Variants in CCSER1 observed in about 807,000 individuals in gnomAD.
CCSER1 encodes coiled-coil serine rich protein 1, also known as serine-rich coiled-coil domain-containing protein 1.
In CCSER1, 41 loss-of-function variants were observed where a neutral mutation model predicts 82.0. The ratio of observed to expected loss-of-function variants is 0.50; its 90% CI spans 0.39 to 0.65. The LOEUF is 0.65. Ranked by LOEUF, CCSER1 falls within the 30% of genes least tolerant of loss-of-function variation. The probability of loss-of-function intolerance (pLI) is 0.00; values close to 1 mark genes in which losing one functional copy is unlikely to be tolerated. For synonymous variants in CCSER1, 414 were observed against 383.9 expected (o/e 1.08, Z -0.92); for missense variants, 1,119 against 1,064.2 (o/e 1.05, Z -0.72).
intron 10 of CCSER1, among the ~76,000 whole-genome samples, chr4:91,290,206 A>G (rs1743639502): frequency 6.6e-6 from 1 of 152,050 alleles, no homozygotes; most frequent in South Asian, 2.1e-4. Flanking sequence ...GCAAACCTGC[A>G]CTATGAGAAA....
At chr4:91,418,311 A>AAC (rs1553934872) in intron 10 of CCSER1, among the ~76,000 whole-genome samples, 6 of 150,944 alleles carry the variant, frequency 4.0e-5, no homozygotes, top group African/African-American at 9.7e-5. Context: ...ATTAAAAAAA[A>AAC]AAAAAACAAA....
At chr4:91,014,697 T>C (rs1739276079) in intron 9 of CCSER1, among the ~76,000 whole-genome samples, 1 of 152,174 alleles carries the variant, frequency 6.6e-6, no homozygotes, top group African/African-American at 2.4e-5. Flanking sequence ...CATTCAAAAA[T>C]ATTAATAGAA....
intron 10 of CCSER1, among the ~76,000 whole-genome samples, chr4:91,522,541 T>G (rs1048246704): frequency 1.2e-4 from 19 of 152,322 alleles, no homozygotes; most frequent in African/African-American, 4.6e-4. Flanking sequence ...TGTCCTCTTT[T>G]ATTTCGTTGA....
At chr4:91,363,011 A>G (rs1749351493) in intron 10 of CCSER1, among the ~76,000 whole-genome samples, 1 of 151,726 alleles carries the variant, frequency 6.6e-6, no homozygotes. Flanking sequence ...CATTGTATCC[A>G]TCCTGGATTG....
At chr4:90,740,720 C>G (rs1027680120) in intron 7 of CCSER1, among the ~76,000 whole-genome samples, 1 of 152,054 alleles carries the variant, frequency 6.6e-6, no homozygotes, top group Non-Finnish European at 1.5e-5. Context: ...ATTTAAATTT[C>G]AATTAGTTTT....
At chr4:90,586,668 A>G (rs1409697942) in intron 5 of CCSER1, among the ~76,000 whole-genome samples, 11 of 152,220 alleles carry the variant, frequency 7.2e-5, no homozygotes, top group Admixed American at 7.2e-4. Flanking sequence ...TCATATCTAT[A>G]CTGGACAACA....
intron 1 of CCSER1, among the ~76,000 whole-genome samples, chr4:90,146,054 A>T (rs555169336): frequency 4.6e-5 from 7 of 152,206 alleles, no homozygotes; most frequent in African/African-American, 1.7e-4. Context: ...CCCAAGACTT[A>T]AAAAGAAAAT....
intron 10 of CCSER1, among the ~76,000 whole-genome samples, chr4:91,507,066 CTAT>C (rs1759533929): frequency 6.6e-6 from 1 of 151,980 alleles, no homozygotes; most frequent in African/African-American, 2.4e-5. Flanking sequence ...TCACTTTTTA[CTAT>C]TATGAACGAA....
intron 9 of CCSER1, among the ~76,000 whole-genome samples, chr4:91,080,962 A>G (rs113723041): frequency 6.6e-6 from 1 of 152,196 alleles, no homozygotes; most frequent in Non-Finnish European, 1.5e-5. Flanking sequence ...ATTCACAGCC[A>G]AATTCTACCC....
intron 10 of CCSER1, among the ~76,000 whole-genome samples, chr4:91,211,381 G>T (rs1029572782): frequency 1.8e-4 from 28 of 151,988 alleles, no homozygotes; most frequent in South Asian, 1.0e-3. Flanking sequence ...TTTGAGAAAG[G>T]TTCTTAGACC....
rs149233051 is a variant in CCSER1, at chr4:90,822,601, A to T, written c.2094+6756A>T. On this transcript the variant is annotated intron_variant, in intron 8 of 10. Coordinates refer to ENST00000509176, the MANE Select transcript of CCSER1 (RefSeq NM_001145065.2). Reference sequence around the variant, plus strand: ...ACATTAGCTGGGCGTGGTGGCGGGCACCTGTAATCCCAGCCACTCCCGAGG... The same window carrying T: ...ACATTAGCTGGGCGTGGTGGCGGGCTCCTGTAATCCCAGCCACTCCCGAGG... Among the ~76,000 whole-genome samples, 272 of 151,760 alleles carry T rather than the reference A, an allele frequency of 1.8e-3. 1 individual carries two copies. Among genetic ancestry groups the T allele is most frequent in the African/African-American group, 6.4e-3 (265 of 41,412 alleles).
chr4:91,236,759 T>A (rs1050439106), intron 10 of CCSER1, among the ~76,000 whole-genome samples: 3 of 152,150 alleles, frequency 2.0e-5, no homozygotes, highest in Non-Finnish European at 2.9e-5. Context: ...AGAGGCAAGA[T>A]AAAAACTGAT....
intron 10 of CCSER1, among the ~76,000 whole-genome samples, chr4:91,442,118 CTACTT>C (rs1375239451): frequency 1.3e-5 from 2 of 151,824 alleles, no homozygotes; most frequent in Non-Finnish European, 2.9e-5. Flanking sequence ...TTGGAAAAAA[CTACTT>C]TAAAGTTCAT....
intron 4 of CCSER1, among the ~76,000 whole-genome samples, chr4:90,424,639 C>G (rs987737316): frequency 3.3e-5 from 5 of 152,158 alleles, no homozygotes; most frequent in African/African-American, 1.2e-4. Flanking sequence ...TACTCATAGT[C>G]TACATTTTTA....
At chr4:91,581,147 T>C (rs1468419473) in intron 10 of CCSER1, among the ~76,000 whole-genome samples, 2 of 151,722 alleles carry the variant, frequency 1.3e-5, no homozygotes, top group African/African-American at 4.8e-5. Flanking sequence ...TCTAACCACA[T>C]AATTATATAG....
chr4:91,560,246 A>G (rs1283475296), intron 10 of CCSER1, among the ~76,000 whole-genome samples: 1 of 151,450 alleles, frequency 6.6e-6, no homozygotes, highest in Non-Finnish European at 1.5e-5. Flanking sequence ...TTTACTTGAC[A>G]GAACAACATT....
chr4:90,756,000 G>A (rs1229305192), intron 7 of CCSER1, among the ~76,000 whole-genome samples: 2 of 152,164 alleles, frequency 1.3e-5, no homozygotes, highest in Non-Finnish European at 2.9e-5. Flanking sequence ...CCAAGAGGGG[G>A]TGGATCAGTT....
chr4:91,294,596 T>C (rs1356912429), intron 10 of CCSER1, among the ~76,000 whole-genome samples: 2 of 151,808 alleles, frequency 1.3e-5, no homozygotes, highest in Non-Finnish European at 2.9e-5. Context: ...GAGAGTCTGT[T>C]TTGAGCCCAT....
At chr4:90,674,560 C>T (rs945154536) in intron 6 of CCSER1, among the ~76,000 whole-genome samples, 3 of 151,890 alleles carry the variant, frequency 2.0e-5, no homozygotes, top group Admixed American at 2.0e-4. Flanking sequence ...CTCCTGACGG[C>T]ATTGTTTTAT....
Sources: gnomAD v4.1 joint callset for allele counts (sites outside exome capture counted in the v4.1 genomes callset) on GRCh38, gnomAD v4.1.1 for gene constraint, MANE v1.5 for transcripts, NCBI Gene and HGNC (gene_info 2026-07-23, HGNC 2026-07-21) for gene names.